The following POPDC1 variants were observed in gnomAD, a reference collection of about 807,000 sequenced individuals.
POPDC1 encodes the protein popeye domain-containing protein 1.
At chr6:105,099,553 C>T in the POPDC1 span, 3,118 of 152,322 alleles carry the variant, frequency 0.02, 106 homozygotes, top group African/African-American at 0.067. Flanking sequence ...TGGCCAAGTG[C>T]CACAGCCACG....
chr6:105,097,104 C>T, the POPDC1 span: 3 of 152,324 alleles, frequency 2.0e-5, no homozygotes, highest in Non-Finnish European at 4.4e-5. Flanking sequence ...TCACTATAGA[C>T]AGAGTATTCG....
the POPDC1 span, chr6:105,133,313 T>C: frequency 2.0e-6 from 3 of 1,515,248 alleles, no homozygotes; most frequent in Non-Finnish European, 2.7e-6. Context: ...TTATGTCAGT[T>C]ACAGAAAAGT....
At chr6:105,101,868 C>T in the POPDC1 span, among the ~76,000 whole-genome samples, 1 of 152,206 alleles carries the variant, frequency 6.6e-6, no homozygotes, top group Non-Finnish European at 1.5e-5. Flanking sequence ...GCAATTCATT[C>T]ATTCAGTCAC....
chr6:105,123,390 T>C, the POPDC1 span, among the ~76,000 whole-genome samples: 1 of 149,596 alleles, frequency 6.7e-6, no homozygotes, highest in Non-Finnish European at 1.5e-5. Flanking sequence ...ATGGAGCAAT[T>C]TGTTTTTTGT....
At chr6:105,117,671 C>T in the POPDC1 span, among the ~76,000 whole-genome samples, 1 of 152,208 alleles carries the variant, frequency 6.6e-6, no homozygotes, top group South Asian at 2.1e-4. Context: ...GTTAACACAA[C>T]TGCAAGCTTC....
the POPDC1 span, among the ~76,000 whole-genome samples, chr6:105,105,716 T>C: frequency 1.5e-5 from 2 of 137,344 alleles, no homozygotes; most frequent in East Asian, 4.6e-4. Context: ...AATAAATAAC[T>C]TCTACAGGTT....
At chr6:105,116,263 G>A in the POPDC1 span, among the ~76,000 whole-genome samples, 276 of 152,012 alleles carry the variant, frequency 1.8e-3, 1 homozygote, top group African/African-American at 6.2e-3. Flanking sequence ...GAAGATCTAT[G>A]CAGCTCTACA....
the POPDC1 span, among the ~76,000 whole-genome samples, chr6:105,121,958 G>A: frequency 6.6e-6 from 1 of 152,182 alleles, no homozygotes; most frequent in African/African-American, 2.4e-5. Context: ...AAGTGTGAGG[G>A]TGGAGAAGCC....
At chr6:105,132,264 C>T in the POPDC1 span, among the ~76,000 whole-genome samples, 1 of 152,292 alleles carries the variant, frequency 6.6e-6, no homozygotes, top group Non-Finnish European at 1.5e-5. Context: ...CTGTGTCCAG[C>T]CCATTTATAT....
the POPDC1 span, among the ~76,000 whole-genome samples, chr6:105,113,386 G>C: frequency 6.6e-6 from 1 of 152,166 alleles, no homozygotes; most frequent in South Asian, 2.1e-4. Context: ...TTACAGTCCA[G>C]CTTTCCACCT....
the POPDC1 span, among the ~76,000 whole-genome samples, chr6:105,130,036 TA>T: frequency 6.6e-6 from 1 of 152,108 alleles, no homozygotes; most frequent in Non-Finnish European, 1.5e-5. Flanking sequence ...CTTTGTTGAA[TA>T]AAATCTGTAT....
the POPDC1 span, chr6:105,129,617 C>T: frequency 9.7e-7 from 1 of 1,032,600 alleles, no homozygotes; most frequent in Non-Finnish European, 1.4e-6. Context: ...GAAGGTGATA[C>T]TTTGCAAGAC....
chr6:105,113,682 A>G, the POPDC1 span, among the ~76,000 whole-genome samples: 2 of 152,078 alleles, frequency 1.3e-5, no homozygotes, highest in Non-Finnish European at 2.9e-5. Context: ...GCTTTAGTTA[A>G]TACCTTCAAA....
At chr6:105,131,253 C>G in the POPDC1 span, among the ~76,000 whole-genome samples, 1 of 152,002 alleles carries the variant, frequency 6.6e-6, no homozygotes, top group African/African-American at 2.4e-5. Context: ...TTTAAATATT[C>G]TTTAAGTAAT....
the POPDC1 span, among the ~76,000 whole-genome samples, chr6:105,127,812 G>A: frequency 1.3e-5 from 2 of 151,846 alleles, no homozygotes; most frequent in Non-Finnish European, 2.9e-5. Context: ...CCAGGCTGGA[G>A]TACAGTGGCA....
chr6:105,125,600 A>T, the POPDC1 span: 2 of 1,609,160 alleles, frequency 1.2e-6, no homozygotes, highest in Non-Finnish European at 1.7e-6. Flanking sequence ...CAATGACTAG[A>T]TGCTTCACCA....
chr6:105,122,051 G>T, the POPDC1 span, among the ~76,000 whole-genome samples: 1 of 152,132 alleles, frequency 6.6e-6, no homozygotes, highest in African/African-American at 2.4e-5. Context: ...TTTTTCATTT[G>T]GGAACTTGCA....
chr6:105,111,616 A>G, the POPDC1 span, among the ~76,000 whole-genome samples: 1 of 152,322 alleles, frequency 6.6e-6, no homozygotes, highest in South Asian at 2.1e-4. Context: ...CTACTGAATA[A>G]ACAGAGAGAA....
At chr6:105,114,991 A>G in the POPDC1 span, among the ~76,000 whole-genome samples, 1 of 152,266 alleles carries the variant, frequency 6.6e-6, no homozygotes, top group African/African-American at 2.4e-5. Flanking sequence ...CACTCTAACT[A>G]AAGTCATGAA....
Sources: allele counts gnomAD v4.1 joint callset (sites outside exome capture counted in the v4.1 genomes callset), GRCh38; gene constraint gnomAD v4.1.1; transcripts MANE v1.5; gene names NCBI Gene and HGNC (gene_info 2026-07-23, HGNC 2026-07-21).